Variants in SYPL1 observed in about 807,000 individuals in gnomAD.
SYPL1 encodes synaptophysin-like protein 1.
SYPL1 carries 6 observed loss-of-function variants against 23.7 expected under a neutral mutation model. The observed-to-expected ratio is 0.25, with a 90% CI of 0.14 to 0.50. The LOEUF (loss-of-function observed/expected upper bound fraction) is 0.50. SYPL1 is among the 20% of genes least tolerant of loss of function. The pLI, the probability that SYPL1 is intolerant of heterozygous loss-of-function variation, is 0.98. For synonymous variants in SYPL1, 102 were observed against 104.5 expected, an observed-to-expected ratio of 0.98 and a Z score of 0.15; for missense variants, 253 against 288.9, an observed-to-expected ratio of 0.88 and a Z score of 0.90.
intron 1 of SYPL1, 149 bp from the exon 2 acceptor site, chr7:106,099,431 G>A (rs752399727): frequency 1.3e-4 from 135 of 1,005,026 alleles, no homozygotes; most frequent in Non-Finnish European, 1.7e-4. Flanking sequence ...GGTTTCTGTC[G>A]CCCAGACTGG....
intron 1 of SYPL1, among the ~76,000 whole-genome samples, chr7:106,105,010 C>G (rs545107760): frequency 5.9e-5 from 9 of 152,248 alleles, no homozygotes; most frequent in East Asian, 1.9e-4. Context: ...TATGGGAAAG[C>G]TGAAGAATGG....
chr7:106,112,020 G>T (rs1414997162), intron 1 of SYPL1, 120 bp downstream of exon 1: 2 of 1,136,512 alleles, frequency 1.8e-6, no homozygotes, highest in East Asian at 8.4e-5. Context: ...TCCCAGTCCC[G>T]GGGCGGCGGC....
upstream of SYPL1, chr7:106,112,558 G>A (rs754420564): frequency 6.7e-6 from 10 of 1,494,474 alleles, no homozygotes; most frequent in Admixed American, 1.9e-4. Context: ...CCTTCCCTGC[G>A]GTTCAGCCCC....
At chr7:106,110,525 G>A (rs1277967069) in intron 1 of SYPL1, among the ~76,000 whole-genome samples, 3 of 152,038 alleles carry the variant, frequency 2.0e-5, no homozygotes, top group Non-Finnish European at 4.4e-5. Context: ...TTATTCATGT[G>A]GTATGCTAGT....
intron 1 of SYPL1, among the ~76,000 whole-genome samples, chr7:106,101,662 T>C (rs12705334): frequency 0.57 from 86,274 of 151,300 alleles, 24,855 homozygotes; most frequent in Admixed American, 0.64. Flanking sequence ...TAATGTTTTA[T>C]GTTAAAAAAG....
At chr7:106,092,008 T>C in intron 4 of SYPL1, 69 bp from the exon 5 acceptor site, 1 of 1,429,942 alleles carries the variant, frequency 7.0e-7, no homozygotes, top group South Asian at 1.3e-5. Flanking sequence ...TACTTAAAAA[T>C]CTCACTTTTT....
In SYPL1 at chr7:106,095,550, T is replaced by C. The variant is rs972595859; in HGVS notation, c.402+2140A>G. Among the ~76,000 whole-genome samples, 2 of 152,156 alleles carry C rather than the reference T, an allele frequency of 1.3e-5. No homozygotes were observed. Among genetic ancestry groups the C allele is most frequent in the Admixed American group, 1.3e-4 (2 of 15,272 alleles). Reference sequence around the variant, plus strand: ...TTTTAGCAGAGATGGGGTTTCACCATGTTGGCCAGGCTGGTCTCGAACTCC... The same window carrying C: ...TTTTAGCAGAGATGGGGTTTCACCACGTTGGCCAGGCTGGTCTCGAACTCC... On this transcript the variant is annotated intron_variant, in intron 3 of 4. Coordinates refer to ENST00000455385, the MANE Select transcript of SYPL1 (RefSeq NM_182715.4). This position sits in a 1 kb window ranked among gnomAD's most constrained non-coding sequence, Gnocchi z 4.3.
Position 106,109,421 on chromosome 7 carries a change from C to G in SYPL1, c.69+2719G>C, listed in dbSNP as rs1335950587. ...TCAACTAGTCCTTATTTTACTTTAC[C>G]ATTCTATTGCACCTTACGTTTTGGG... On this transcript the variant is annotated intron_variant, in intron 1 of 4. Coordinates refer to ENST00000455385, the MANE Select transcript of SYPL1 (RefSeq NM_182715.4). The surrounding 1 kb of genome is among the most constrained non-coding windows in gnomAD (Gnocchi z 4.3). Among the ~76,000 whole-genome samples the G allele has an allele frequency of 2.6e-5, 4 of 152,132 alleles. No individual in the cohort carries two copies. The highest frequency in any genetic ancestry group is 4.8e-5 in the African/African-American group (2 of 41,434).
rs950468106 is a variant in SYPL1 at position 106,097,534 on chromosome 7, G to A, written c.402+156C>T. ...GTGCAAATAGGCTAAAAAAAATTGA[G>A]TTAAACTTAATGGGAGAAAGCTCAA... On this transcript the variant is annotated intron_variant, in intron 3 of 4. Coordinates refer to ENST00000455385, the MANE Select transcript of SYPL1 (RefSeq NM_182715.4). This position sits in a 1 kb window ranked among gnomAD's most constrained non-coding sequence, Gnocchi z 4.6. 2.0e-5 allele frequency among the ~76,000 whole-genome samples: 3 copies of A among 152,124 alleles called. No individual in the cohort carries two copies. The highest frequency in any genetic ancestry group is 6.5e-5 in the Admixed American group (1 of 15,274).
In SYPL1 at chr7:106,096,233, C is replaced by T. The variant is rs542901489; in HGVS notation, c.402+1457G>A. On this transcript the variant is annotated intron_variant, in intron 3 of 4. Coordinates refer to ENST00000455385, the MANE Select transcript of SYPL1 (RefSeq NM_182715.4). This position sits in a 1 kb window ranked among gnomAD's most constrained non-coding sequence, Gnocchi z 4.4. ...ATGAAAACCTCTAGTTTTCTTGTGT[C>T]TCCTATGACATAAGAAACAGAATTA... 3.3e-5 allele frequency: 5 copies of T among 152,092 alleles called. No homozygotes were observed. Among genetic ancestry groups the T allele is most frequent in the Non-Finnish European group, 5.9e-5 (4 of 67,988 alleles). The allele number at this position is 152,092 out of a possible 1,614,324, so 9.4% of individuals were successfully genotyped here.
At chr7:106,105,661 A>G (rs1395134303) in intron 1 of SYPL1, among the ~76,000 whole-genome samples, 6 of 151,964 alleles carry the variant, frequency 3.9e-5, no homozygotes, top group Admixed American at 3.9e-4. Context: ...CTACTTTCAG[A>G]CTTAAATAAG....
At chr7:106,093,260 A>ATACTT in intron 3 of SYPL1, 123 bp from the exon 4 acceptor site, 1 of 896,938 alleles carries the variant, frequency 1.1e-6, no homozygotes, top group Non-Finnish European at 1.6e-6. Flanking sequence ...CCTTCATGAT[A>ATACTT]TACTTTATTA....
intron 1 of SYPL1, among the ~76,000 whole-genome samples, chr7:106,110,856 A>G (rs1302405997): frequency 6.6e-6 from 1 of 152,224 alleles, no homozygotes; most frequent in Admixed American, 6.5e-5. Flanking sequence ...ATAATCCTCA[A>G]TGAGACTAAA....
In SYPL1 at chr7:106,096,577, A is replaced by G. The variant is rs1415729567; in HGVS notation, c.402+1113T>C. ...TCTCTGGATTTGCCACCAATAATCC[A>G]GGGCAGATTCTACTAACTAAATCTC... On this transcript the variant is annotated intron_variant, in intron 3 of 4. Transcript: ENST00000455385. The surrounding 1 kb of genome is among the most constrained non-coding windows in gnomAD (Gnocchi z 4.4). Among the ~76,000 whole-genome samples the G allele has an allele frequency of 6.6e-6, 1 of 152,230 alleles. No individual in the cohort carries two copies. Among genetic ancestry groups the G allele is most frequent in the African/African-American group, 2.4e-5 (1 of 41,458 alleles).
intron 1 of SYPL1, among the ~76,000 whole-genome samples, chr7:106,103,785 G>A (rs1412848262): frequency 6.6e-6 from 1 of 152,092 alleles, no homozygotes; most frequent in Non-Finnish European, 1.5e-5. Flanking sequence ...GCTTCCCATT[G>A]TATTTTTTTG....
intron 1 of SYPL1, among the ~76,000 whole-genome samples, chr7:106,107,742 CAAAAAAAAAA>C (rs10622990): frequency 1.3e-5 from 1 of 79,348 alleles, no homozygotes; most frequent in African/African-American, 4.1e-5. Flanking sequence ...ACTCCGTCTC[CAAAAAAAAAA>C]AAAAAAAAAA....
chr7:106,104,948 A>G lies in SYPL1; in HGVS notation c.70-5666T>C, dbSNP rs1005433419. The stretch of plus-strand genomic sequence containing the variant: ...ATGTGAATTTGTTGTCATTGTTTTA[A>G]TATCAGGGTATTACACATAAAAATT... On this transcript the variant is annotated intron_variant, in intron 1 of 4. Transcript: ENST00000455385. The surrounding 1 kb of genome is among the most constrained non-coding windows in gnomAD (Gnocchi z 4.1). 1.3e-5 allele frequency among the ~76,000 whole-genome samples: 2 copies of G among 152,182 alleles called. No individual in the cohort carries two copies. Among genetic ancestry groups the G allele is most frequent in the African/African-American group, 4.8e-5 (2 of 41,454 alleles).
At chr7:106,105,653 A>G (rs1291628171) in intron 1 of SYPL1, among the ~76,000 whole-genome samples, 2 of 151,888 alleles carry the variant, frequency 1.3e-5, no homozygotes, top group Non-Finnish European at 2.9e-5. Flanking sequence ...ATTTAGATCT[A>G]CTTTCAGACT....
chr7:106,108,106 A>C (rs1275761608), intron 1 of SYPL1, among the ~76,000 whole-genome samples: 1 of 152,086 alleles, frequency 6.6e-6, no homozygotes, highest in East Asian at 1.9e-4. Context: ...AAGGCAGAAG[A>C]ATCTCTGGAA....
Sources: allele counts gnomAD v4.1 joint callset (sites outside exome capture counted in the v4.1 genomes callset), GRCh38; gene constraint gnomAD v4.1.1; non-coding constraint Gnocchi (gnomAD v3.1); transcripts MANE v1.5; gene names NCBI Gene and HGNC (gene_info 2026-07-23, HGNC 2026-07-21).